TRRAP: variants seen among roughly 807,000 people sequenced by gnomAD.
TRRAP encodes transformation/transcription domain associated protein.
A neutral mutation model predicts 438.8 loss-of-function variants in TRRAP; 41 were observed. The observed-to-expected ratio is 0.09, with a 90% CI of 0.07 to 0.12. The LOEUF is 0.12. Ranked by LOEUF, TRRAP falls within the 10% of genes least tolerant of loss-of-function variation. The pLI is 1.00. For missense variants in TRRAP, 3,122 were observed against 5,055.1 expected, an observed-to-expected ratio of 0.62 and a Z score of 11.60; for synonymous variants, 1,994 against 1,962.9, an observed-to-expected ratio of 1.02 and a Z score of -0.42.
rs2116398727 is a variant in TRRAP, at chr7:98,908,939, G to A, written c.1327G>A (p.Asp443Asn). 5 of 1,613,846 alleles carry A rather than the reference G, an allele frequency of 3.1e-6. No homozygotes were observed. The highest frequency in any genetic ancestry group is 4.2e-6 in the Non-Finnish European group (5 of 1,179,902). Residue 443 changes from aspartate (D) to asparagine (N), a missense_variant, in exon 14 of 73, where the codon GAC (aspartate) becomes AAC (asparagine). Physicochemically the swap from Asp to Asn is conservative, Grantham distance 23. Transcript: ENST00000456197. This position sits in a 1 kb window ranked among gnomAD's most constrained non-coding sequence, Gnocchi z 4.1. Reference protein sequence around the residue: ...KSEQESGNGRDVLMRMLEVFV... With the variant: ...KSEQESGNGRNVLMRMLEVFV... ...CGAGCAGGAGAGTGGCAATGGGAGA[G>A]ACGTCCTGATGCGGATGCTGGAGGT...
At chr7:98,991,916 T>C (rs1424659375) in intron 64 of TRRAP, among the ~76,000 whole-genome samples, 2 of 152,226 alleles carry the variant, frequency 1.3e-5, no homozygotes, top group Non-Finnish European at 2.9e-5. Context: ...ATGAAATGCA[T>C]GTGTTGATGT....
At chr7:98,934,583 C>G (rs1355771597) in intron 27 of TRRAP, among the ~76,000 whole-genome samples, 2 of 152,164 alleles carry the variant, frequency 1.3e-5, no homozygotes, top group African/African-American at 2.4e-5. Flanking sequence ...CTCTCAGTGC[C>G]TGGCTGCATC....
chr7:99,009,380 T>C (rs984921307), intron 70 of TRRAP, among the ~76,000 whole-genome samples: 3 of 151,978 alleles, frequency 2.0e-5, no homozygotes, highest in African/African-American at 7.2e-5. Context: ...GGACTTAGTT[T>C]GGTTGAGGAA....
chr7:99,006,858 A>C (rs1238829974), intron 69 of TRRAP, among the ~76,000 whole-genome samples: 1 of 152,258 alleles, frequency 6.6e-6, no homozygotes, highest in Non-Finnish European at 1.5e-5. Context: ...CCTATGGGGT[A>C]GGTACTATTA....
chr7:98,908,970 C>G lies in TRRAP; in HGVS notation c.1350+8C>G, dbSNP rs1554408049. The G allele has an allele frequency of 1.2e-6, 2 of 1,609,642 alleles. No individual in the cohort carries two copies. The highest frequency in any genetic ancestry group is 1.7e-6 in the Non-Finnish European group (2 of 1,177,572). Reference sequence around the variant, plus strand: ...CTGATGCGGATGCTGGAGGTACCAGCTCTTCTGAGAGTATCATCCATCCTG... The same window carrying G: ...CTGATGCGGATGCTGGAGGTACCAGGTCTTCTGAGAGTATCATCCATCCTG... On this transcript the variant is annotated splice_region_variant and intron_variant, in intron 14 of 72. Transcript: ENST00000456197. This position sits in a 1 kb window ranked among gnomAD's most constrained non-coding sequence, Gnocchi z 4.1.
At chr7:98,955,077 A>AACGT in intron 40 of TRRAP, 21 bp from the exon 41 acceptor site, 1 of 1,601,334 alleles carries the variant, frequency 6.2e-7, no homozygotes, top group Non-Finnish European at 8.5e-7. Flanking sequence ...ATCCTCCATA[A>AACGT]ACGTCTCTTC....
At chr7:99,003,151 C>T (rs180770601) in intron 67 of TRRAP, among the ~76,000 whole-genome samples, 13 of 152,272 alleles carry the variant, frequency 8.5e-5, no homozygotes, top group South Asian at 2.1e-4. Flanking sequence ...TCCTGACCTC[C>T]AGTCGCCCTG....
chr7:98,961,873 T>G (rs1264412442), intron 46 of TRRAP, among the ~76,000 whole-genome samples: 2 of 152,170 alleles, frequency 1.3e-5, no homozygotes, highest in Non-Finnish European at 2.9e-5. Flanking sequence ...TGAGCCGAGA[T>G]CGTGCCATTG....
intron 31 of TRRAP, among the ~76,000 whole-genome samples, chr7:98,943,312 T>G (rs1368772523): frequency 6.6e-6 from 1 of 152,234 alleles, no homozygotes; most frequent in Non-Finnish European, 1.5e-5. Flanking sequence ...TTACCAGCTC[T>G]GCTTTAAACA....
At chr7:98,947,826 C>T (rs1199408108) in intron 33 of TRRAP, among the ~76,000 whole-genome samples, 1 of 152,190 alleles carries the variant, frequency 6.6e-6, no homozygotes, top group Non-Finnish European at 1.5e-5. Flanking sequence ...CTCGTGATAC[C>T]TTGGCAAAGT....
At position 98,962,412 on chromosome 7, in the gene TRRAP, C is replaced by T. The variant is rs753457533; in HGVS notation, c.6814C>T (p.Pro2272Ser). The T allele has an allele frequency of 6.2e-7, 1 of 1,614,246 alleles. No homozygotes were observed. Among genetic ancestry groups the T allele is most frequent in the South Asian group, 1.1e-5 (1 of 91,086 alleles). The change falls in exon 47 of 73, where the codon CCC becomes TCC. Residue 2272 changes from proline to serine, a missense_variant. Transcript: ENST00000456197. ...TNYEKATNAN[P>S]SQLFGTLMIL... ...CTACGAGAAGGCCACCAATGCCAAT[C>T]CCTCCCAGCTCTTCGGTGAGTGTGT...
chr7:98,928,356 C>T (rs1452141345), intron 23 of TRRAP, among the ~76,000 whole-genome samples: 3 of 152,210 alleles, frequency 2.0e-5, no homozygotes, highest in Non-Finnish European at 2.9e-5. Context: ...GTCTGCAGAC[C>T]GCACTGGAGT....
chr7:98,987,398 A>G (rs1202345332), intron 62 of TRRAP, among the ~76,000 whole-genome samples: 2 of 152,166 alleles, frequency 1.3e-5, no homozygotes, highest in African/African-American at 2.4e-5. Context: ...TAATTCAACA[A>G]TGTTTTTTAG....
intron 30 of TRRAP, 127 bp from the exon 31 acceptor site, chr7:98,942,822 T>C: frequency 1.0e-6 from 1 of 985,792 alleles, no homozygotes; most frequent in South Asian, 1.5e-5. Flanking sequence ...ATGGTTGCGC[T>C]GTTTTAATAA....
At chr7:98,909,212 CA>C (rs71537232) in intron 14 of TRRAP, among the ~76,000 whole-genome samples, 57,869 of 151,368 alleles carry the variant, frequency 0.38, 13,367 homozygotes, top group Non-Finnish European at 0.5. Flanking sequence ...TTAGTAGAGA[CA>C]GGGTTTTCCC....
Position 98,971,768 on chromosome 7 carries a change from TTTTGG to T in TRRAP, c.7693-27_7693-23del, listed in dbSNP as rs1394892676. 39 of 1,606,050 alleles carry T rather than the reference TTTTGG, an allele frequency of 2.4e-5. No individual in the cohort carries two copies. The Admixed American group carries it at 6.7e-4, about 27-fold the overall frequency. Reference sequence around the variant, plus strand: ...TTGGGTTTTCTTGAAGCCTTTGACCTTTTGGTTTTGCTTGCTGCTTTGTTTCTTAG... The same window carrying T: ...TTGGGTTTTCTTGAAGCCTTTGACCTTTTTGCTTGCTGCTTTGTTTCTTAG... On this transcript the variant is annotated intron_variant, in intron 52 of 72. Coordinates refer to ENST00000456197, the MANE Select transcript of TRRAP (RefSeq NM_001375524.1).
intron 6 of TRRAP, among the ~76,000 whole-genome samples, chr7:98,895,057 A>T (rs1157430866): frequency 6.6e-6 from 1 of 152,092 alleles, no homozygotes; most frequent in Non-Finnish European, 1.5e-5. Context: ...GTCATAAAAA[A>T]TTCTGTATAC....
chr7:98,946,011 C>G, intron 33 of TRRAP, 61 bp downstream of exon 33: 1 of 1,369,128 alleles, frequency 7.3e-7, no homozygotes, highest in Non-Finnish European at 9.5e-7. Context: ...TGCTGTGACT[C>G]GTTAGCTGTG....
intron 3 of TRRAP, among the ~76,000 whole-genome samples, chr7:98,887,201 G>A (rs1279816874): frequency 1.3e-5 from 2 of 152,182 alleles, no homozygotes; most frequent in African/African-American, 4.8e-5. Flanking sequence ...TAGGATTACA[G>A]GTGTGAGTCA....
Sources: allele counts gnomAD v4.1 joint callset (sites outside exome capture counted in the v4.1 genomes callset), GRCh38; gene constraint gnomAD v4.1.1; non-coding constraint Gnocchi (gnomAD v3.1); transcripts MANE v1.5; gene names NCBI Gene and HGNC (gene_info 2026-07-23, HGNC 2026-07-21).